DPP6: variants seen among roughly 807,000 people sequenced by gnomAD.
DPP6 encodes the protein A-type potassium channel modulatory protein DPP6.
Under a neutral mutation model 122.6 loss-of-function variants are expected in DPP6, and 69 were observed. The observed-to-expected ratio is 0.56, with a 90% confidence interval of 0.46 to 0.69. The LOEUF (loss-of-function observed/expected upper bound fraction) is 0.69. Among genes scored for constraint, DPP6 ranks in the 30% least tolerant of loss-of-function variants. The pLI is 0.00. For synonymous variants in DPP6, 418 were observed against 433.1 expected (o/e 0.97, Z 0.43); for missense variants, 928 against 1,116.9 (o/e 0.83, Z 2.41).
chr7:154,024,593 G>A (rs1563110523), intron 1 of DPP6, among the ~76,000 whole-genome samples: 3 of 152,172 alleles, frequency 2.0e-5, no homozygotes, highest in Non-Finnish European at 4.4e-5. Flanking sequence ...GAAGTCAGAT[G>A]TCCATGTGTG....
chr7:154,225,224 C>A (rs1403074326), intron 1 of DPP6, among the ~76,000 whole-genome samples: 1 of 151,986 alleles, frequency 6.6e-6, no homozygotes, highest in Non-Finnish European at 1.5e-5. Flanking sequence ...AAGAAATTAC[C>A]TTTATACCTC....
intron 5 of DPP6, among the ~76,000 whole-genome samples, chr7:154,616,960 T>G (rs1007153438): frequency 1.3e-5 from 2 of 152,184 alleles, no homozygotes; most frequent in Non-Finnish European, 2.9e-5. Flanking sequence ...GAACTGTCTT[T>G]CCAAAGAATC....
At chr7:154,710,372 A>C (rs1049901415) in intron 7 of DPP6, among the ~76,000 whole-genome samples, 1 of 152,234 alleles carries the variant, frequency 6.6e-6, no homozygotes, top group African/African-American at 2.4e-5. Flanking sequence ...TCAGGTTTCC[A>C]GGGCAACAAA....
intron 1 of DPP6, among the ~76,000 whole-genome samples, chr7:154,293,367 C>T (rs1181639512): frequency 6.6e-6 from 1 of 152,104 alleles, no homozygotes; most frequent in East Asian, 1.9e-4. Flanking sequence ...TCAGTGATCC[C>T]CAAGTGTTTT....
the DPP6 span, among the ~76,000 whole-genome samples, chr7:153,755,052 A>G: frequency 7.7e-6 from 1 of 129,254 alleles, no homozygotes; most frequent in Non-Finnish European, 1.8e-5. Flanking sequence ...ATTGGACCAC[A>G]GTTTAAAATG....
intron 12 of DPP6, among the ~76,000 whole-genome samples, chr7:154,797,816 A>T (rs1374109012): frequency 6.6e-6 from 1 of 152,194 alleles, no homozygotes. Flanking sequence ...ACGATTTTTT[A>T]AAAAATTAAT....
chr7:153,870,774 T>A, the DPP6 span, among the ~76,000 whole-genome samples: 1 of 152,348 alleles, frequency 6.6e-6, no homozygotes, highest in East Asian at 1.9e-4. Flanking sequence ...TGCCCATCTT[T>A]GTGGTTTTAT....
chr7:154,179,490 T>C (rs1055531152), intron 1 of DPP6, among the ~76,000 whole-genome samples: 1 of 152,148 alleles, frequency 6.6e-6, no homozygotes, highest in Non-Finnish European at 1.5e-5. Flanking sequence ...TACCCTAAAA[T>C]TCAGCCCTCA....
intron 3 of DPP6, among the ~76,000 whole-genome samples, chr7:154,488,546 G>A (rs746144886): frequency 2.0e-4 from 30 of 151,686 alleles, no homozygotes; most frequent in Non-Finnish European, 3.2e-4. Flanking sequence ...ACAGATGAAA[G>A]AGATAGCTCC....
At chr7:154,184,454 A>C (rs1355130499) in intron 1 of DPP6, among the ~76,000 whole-genome samples, 1 of 151,840 alleles carries the variant, frequency 6.6e-6, no homozygotes, top group Non-Finnish European at 1.5e-5. Flanking sequence ...CGTAAAAGCC[A>C]GGGAGTGTCT....
intron 1 of DPP6, among the ~76,000 whole-genome samples, chr7:154,426,289 T>C (rs12112052): frequency 0.13 from 20,014 of 152,218 alleles, 1,896 homozygotes; most frequent in African/African-American, 0.26. Context: ...TATTGTAGTA[T>C]TGAGTAGGGA....
chr7:154,242,476 G>C (rs769480965), intron 1 of DPP6, among the ~76,000 whole-genome samples: 2 of 152,154 alleles, frequency 1.3e-5, no homozygotes, highest in African/African-American at 2.4e-5. Flanking sequence ...AGCTCTGATA[G>C]AGTGACTGGC....
chr7:153,953,218 T>C (rs945070184), intron 1 of DPP6, among the ~76,000 whole-genome samples: 4 of 152,280 alleles, frequency 2.6e-5, no homozygotes, highest in Admixed American at 2.6e-4. Context: ...ATTTCCAGAG[T>C]GTCCTCATAT....
chr7:153,850,957 C>G, the DPP6 span, among the ~76,000 whole-genome samples: 1 of 152,180 alleles, frequency 6.6e-6, no homozygotes, highest in Non-Finnish European at 1.5e-5. Flanking sequence ...GGGCTACCTT[C>G]AAGTCCATCT....
At chr7:154,029,732 G>C (rs1799131893) in intron 1 of DPP6, among the ~76,000 whole-genome samples, 1 of 150,056 alleles carries the variant, frequency 6.7e-6, no homozygotes, top group African/African-American at 2.5e-5. Context: ...TGTAGTCCCA[G>C]CTACTCGGGA....
chr7:154,662,549 G>A lies in DPP6; in HGVS notation c.681-6811G>A, dbSNP rs1407229806. Reference sequence around the variant, plus strand: ...TATAGTCATGGTGAATCACCATGGCGTATCAGCCGTAGTGTTCATATAGTC... The same window carrying A: ...TATAGTCATGGTGAATCACCATGGCATATCAGCCGTAGTGTTCATATAGTC... On this transcript the variant is annotated intron_variant, in intron 6 of 25. Coordinates refer to ENST00000377770, the MANE Select transcript of DPP6 (RefSeq NM_130797.4). Among the ~76,000 whole-genome samples the A allele has an allele frequency of 8.9e-3, 407 of 45,578 alleles. 30 individuals are homozygous for A. The highest frequency in any genetic ancestry group is 0.038 in the African/African-American group (384 of 10,046). 29.9% of individuals were successfully genotyped at this position (45,578 alleles called of 152,430 possible).
At chr7:153,836,241 T>G in the DPP6 span, among the ~76,000 whole-genome samples, 1 of 152,186 alleles carries the variant, frequency 6.6e-6, no homozygotes, top group Admixed American at 6.5e-5. Flanking sequence ...TGTGCCTCTT[T>G]CTGGCTCAGA....
At chr7:154,425,613 T>TGTGTGTGG (rs1341007376) in intron 1 of DPP6, among the ~76,000 whole-genome samples, 6 of 130,288 alleles carry the variant, frequency 4.6e-5, no homozygotes, top group Admixed American at 2.9e-4. Flanking sequence ...AATGTGTGTG[T>TGTGTGTGG]GTGTGTGGGT....
chr7:153,997,543 G>A (rs1188149022), intron 1 of DPP6, among the ~76,000 whole-genome samples: 1 of 151,326 alleles, frequency 6.6e-6, no homozygotes, highest in East Asian at 1.9e-4. Context: ...CTTCCAGCTT[G>A]CTTCCCTATA....
Sources: allele counts gnomAD v4.1 joint callset (sites outside exome capture counted in the v4.1 genomes callset), GRCh38; gene constraint gnomAD v4.1.1; transcripts MANE v1.5; gene names NCBI Gene and HGNC (gene_info 2026-07-23, HGNC 2026-07-21).